Variants in BLM observed in about 807,000 individuals in gnomAD.
BLM encodes the protein recQ-like DNA helicase BLM.
A neutral mutation model predicts 135.3 loss-of-function variants in BLM; 95 were observed. That is an observed-to-expected ratio of 0.70 (90% CI 0.59 to 0.83). BLM has a LOEUF of 0.83. Ranked by LOEUF, BLM falls within the 40% of genes least tolerant of loss-of-function variation. The probability of loss-of-function intolerance (pLI) is 0.00; values close to 1 mark genes in which losing one functional copy is unlikely to be tolerated. For missense variants in BLM, 1,518 were observed against 1,663.9 expected, an observed-to-expected ratio of 0.91 and a Z score of 1.53; for synonymous variants, 520 against 589.2, an observed-to-expected ratio of 0.88 and a Z score of 1.70.
chr15:90,763,245 C>T (rs1162988052), intron 8 of BLM, 88 bp downstream of exon 8: 9 of 1,376,218 alleles, frequency 6.5e-6, no homozygotes, highest in Middle Eastern at 1.8e-4. Context: ...ACCACCTACA[C>T]AGTATTTCTA....
chr15:90,765,720 T>C (rs112753947), intron 9 of BLM, among the ~76,000 whole-genome samples: 1 of 152,252 alleles, frequency 6.6e-6, no homozygotes, highest in Non-Finnish European at 1.5e-5. Flanking sequence ...TCTCTTTCCC[T>C]TATATCTTAA....
At chr15:90,752,141 G>T (rs1204080482) in intron 4 of BLM, among the ~76,000 whole-genome samples, 195 bp downstream of exon 4, 3 of 150,640 alleles carry the variant, frequency 2.0e-5, no homozygotes, top group Non-Finnish European at 4.4e-5. Context: ...GTCCCATTAT[G>T]ATTAATTACA....
intron 1 of BLM, among the ~76,000 whole-genome samples, chr15:90,722,870 T>G (rs943562547): frequency 1.6e-4 from 25 of 152,164 alleles, no homozygotes; most frequent in African/African-American, 6.0e-4. Flanking sequence ...GACGGAGTTT[T>G]GCTCTTGTTG....
At chr15:90,783,223 A>T (rs1896662454) in intron 13 of BLM, among the ~76,000 whole-genome samples, 1 of 152,148 alleles carries the variant, frequency 6.6e-6, no homozygotes, top group Non-Finnish European at 1.5e-5. Flanking sequence ...TGAATTATAC[A>T]GCTTTTTGTT....
intron 6 of BLM, 143 bp from the exon 7 acceptor site, chr15:90,760,451 C>T (rs1056659434): frequency 6.6e-6 from 8 of 1,213,698 alleles, no homozygotes; most frequent in South Asian, 1.3e-5. Context: ...CTTTAACATT[C>T]GTATTCATGT....
chr15:90,741,867 A>G (rs182960795), intron 1 of BLM, among the ~76,000 whole-genome samples: 2 of 152,266 alleles, frequency 1.3e-5, no homozygotes, highest in East Asian at 1.9e-4. Context: ...TTTTTAATGG[A>G]TTCACCCCTA....
chr15:90,760,497 A>G (rs1047132784), intron 6 of BLM, 97 bp from the exon 7 acceptor site: 4 of 1,363,542 alleles, frequency 2.9e-6, no homozygotes, highest in East Asian at 2.3e-5. Flanking sequence ...ATATTTTGCT[A>G]CAATTTCTAT....
At chr15:90,803,843 A>C in intron 18 of BLM, 123 bp downstream of exon 18, 1 of 1,028,572 alleles carries the variant, frequency 9.7e-7, no homozygotes, top group South Asian at 1.5e-5. Flanking sequence ...GTTCTATACG[A>C]ACATATTCTG....
Position 90,804,436 on chromosome 15 carries a change from G to A in BLM, c.3751+77G>A, listed in dbSNP as rs902011107. 19 of 1,421,254 alleles carry A rather than the reference G, an allele frequency of 1.3e-5. No individual in the cohort carries two copies. In the African/African-American group the frequency reaches 2.1e-4, roughly 16 times the overall value. The allele number at this position is 1,421,254 out of a possible 1,614,324, so 88.0% of individuals were successfully genotyped here. A position where few individuals can be genotyped will look rare whatever the true frequency, so the allele number is the denominator to read the frequency against. ...TTAATCTTGCTAGGGAACTCCTTAA[G>A]TGATAAATATATCTCAGTGGTTTGT... On this transcript the variant is annotated intron_variant, in intron 19 of 21. Transcript: ENST00000355112.
At chr15:90,755,762 A>T (rs954761402) in intron 5 of BLM, among the ~76,000 whole-genome samples, 1 of 151,882 alleles carries the variant, frequency 6.6e-6, no homozygotes, top group African/African-American at 2.4e-5. Context: ...ACTTTTTAGG[A>T]TATTTCCTTG....
At position 90,760,695 on chromosome 15, in the gene BLM, G is replaced by T. The variant is rs2151157998; in HGVS notation, c.1322G>T (p.Gly441Val). ...RPDSLDGPMEGDSCPTGNSMK... is the reference protein window; with the variant it reads ...RPDSLDGPMEVDSCPTGNSMK... ...GATTCACTTGATGGCCCTATGGAGG[G>T]TGATTCCTGCCCTACAGGGAATTCT... Residue 441 changes from glycine to valine, a missense_variant, in exon 7 of 22, where the codon GGT becomes GTT. Gly to Val is a moderately radical substitution (Grantham distance 109). Transcript: ENST00000355112. 1 of 1,614,082 alleles carries T rather than the reference G, an allele frequency of 6.2e-7. No individual in the cohort carries two copies. Among genetic ancestry groups the T allele is most frequent in the Non-Finnish European group, 8.5e-7 (1 of 1,179,968 alleles).
chr15:90,721,296 C>T (rs1296900723), intron 1 of BLM, among the ~76,000 whole-genome samples: 1 of 151,960 alleles, frequency 6.6e-6, no homozygotes, highest in African/African-American at 2.4e-5. Context: ...TAATATTAAT[C>T]ATTTATCTGT....
chr15:90,765,568 A>G (rs1896102303), intron 9 of BLM, among the ~76,000 whole-genome samples, 154 bp downstream of exon 9: 2 of 152,246 alleles, frequency 1.3e-5, no homozygotes, highest in South Asian at 4.1e-4. Context: ...TTTGATACAG[A>G]TAACCTCTAG....
At position 90,760,196 on chromosome 15, in the gene BLM, C is replaced by T. The variant is rs1178783782; in HGVS notation, c.1137C>T (p.Ile379=). 2 of 1,613,020 alleles carry T rather than the reference C, an allele frequency of 1.2e-6. No homozygotes were observed. The highest frequency in any genetic ancestry group is 1.7e-5 in the Admixed American group (1 of 60,000). The stretch of plus-strand genomic sequence containing the variant: ...AGCTTATTCATGTGATGGAGCACAT[C>T]TGTAAATTAATTGATACTATTCCTG... ...QQQLIHVMEH[I]CKLIDTIPDD... is the part of the protein sequence containing the mutation. Residue 379 remains isoleucine, a synonymous_variant, in exon 6 of 22, where the codon ATC becomes ATT. Coordinates refer to ENST00000355112, the MANE Select transcript of BLM (RefSeq NM_000057.4).
chr15:90,803,408 G>A (rs1897209047), intron 17 of BLM, 113 bp from the exon 18 acceptor site: 1 of 903,312 alleles, frequency 1.1e-6, no homozygotes. Context: ...GCCGGGGTTT[G>A]TGATCTATTC....
intron 1 of BLM, among the ~76,000 whole-genome samples, chr15:90,730,452 T>G (rs1029121173): frequency 2.0e-4 from 31 of 152,066 alleles, no homozygotes; most frequent in African/African-American, 7.2e-4. Context: ...TGTGTTTTTT[T>G]TTGTTGTTTA....
At chr15:90,794,724 T>C (rs1167127460) in intron 16 of BLM, among the ~76,000 whole-genome samples, 1 of 148,890 alleles carries the variant, frequency 6.7e-6, no homozygotes, top group Admixed American at 6.7e-5. Context: ...ATATAATACA[T>C]TATATTAAAA....
At chr15:90,781,952 T>A (rs1896626250) in intron 12 of BLM, among the ~76,000 whole-genome samples, 1 of 152,220 alleles carries the variant, frequency 6.6e-6, no homozygotes, top group South Asian at 2.1e-4. Flanking sequence ...TTTCTATATG[T>A]TTTCTCTTCC....
Position 90,778,889 on chromosome 15 carries a change from C to CTTTTTTTTTTTTTTTTTT in BLM, c.2556-3919_2556-3918insTTTTTTTTTTTTTTTTTT, listed in dbSNP as rs60733714. On this transcript the variant is annotated intron_variant, in intron 12 of 21. Transcript: ENST00000355112. The stretch of plus-strand genomic sequence containing the variant: ...ATAGAAACTCTATGTTTAACCCTTT[C>CTTTTTTTTTTTTTTTTTT]TTTTTTTTTTTTTTGAGACGGAGTC... 1.2e-3 allele frequency among the ~76,000 whole-genome samples: 168 copies of CTTTTTTTTTTTTTTTTTT among 135,040 alleles called. 8 individuals carry two copies. Among genetic ancestry groups the CTTTTTTTTTTTTTTTTTT allele is most frequent in the Middle Eastern group, 8.3e-3 (2 of 240 alleles). The allele number at this position is 135,040 out of a possible 152,430, so 88.6% of individuals were successfully genotyped here. A position where few individuals can be genotyped will look rare whatever the true frequency, so the allele number is the denominator to read the frequency against.
Sources: allele counts gnomAD v4.1 joint callset (sites outside exome capture counted in the v4.1 genomes callset), GRCh38; gene constraint gnomAD v4.1.1; transcripts MANE v1.5; gene names NCBI Gene and HGNC (gene_info 2026-07-23, HGNC 2026-07-21).